NRG1: variants seen among roughly 807,000 people sequenced by gnomAD.
NRG1 encodes pro-neuregulin-1, membrane-bound isoform.
NRG1 carries 18 observed loss-of-function variants against 63.8 expected under a neutral mutation model. The observed-to-expected ratio is 0.28, with a 90% confidence interval of 0.19 to 0.42. The LOEUF (loss-of-function observed/expected upper bound fraction) is 0.42, where lower values mean the gene tolerates loss of function less well. NRG1 is among the 10% of genes least tolerant of loss of function. The pLI is 1.00. For synonymous variants in NRG1, 302 were observed against 301.3 expected (o/e 1.00, Z -0.02); for missense variants, 762 against 814.7 (o/e 0.94, Z 0.79).
chr8:32,496,236 T>A (rs1827182872), intron 1 of NRG1, among the ~76,000 whole-genome samples: 1 of 152,190 alleles, frequency 6.6e-6, no homozygotes, highest in Non-Finnish European at 1.5e-5. Flanking sequence ...AGTAAAGTTA[T>A]TTCTTTGTTA....
chr8:31,851,254 T>C (rs1235018899), intron 1 of NRG1, among the ~76,000 whole-genome samples: 1 of 152,196 alleles, frequency 6.6e-6, no homozygotes, highest in Non-Finnish European at 1.5e-5. Context: ...TTTGATGGTG[T>C]CTTGGGAGTA....
In NRG1 at chr8:32,111,143, G is replaced by GT. The variant is rs532398294; in HGVS notation, c.37+471713dup. On this transcript the variant is annotated intron_variant, in intron 1 of 10. Coordinates refer to the NRG1 transcript ENST00000519301. ...TCTTTCTTTTTATTTTTGAGACAGA[G>GT]TCTCACTCTGTCACCCAGGCTGGAG... Among the ~76,000 whole-genome samples, 10 of 152,092 alleles carry GT rather than the reference G, an allele frequency of 6.6e-5. 1 individual carries two copies. The highest frequency in any genetic ancestry group is 1.3e-4 in the Non-Finnish European group (9 of 67,990).
At position 31,861,848 on chromosome 8, in the gene NRG1, G is replaced by A. The variant is rs138230273; in HGVS notation, c.37+222417G>A. 2.6e-5 allele frequency among the ~76,000 whole-genome samples: 4 copies of A among 152,228 alleles called. No homozygotes were observed. In the East Asian group the frequency reaches 7.7e-4, roughly 29 times the overall value. On this transcript the variant is annotated intron_variant, in intron 1 of 10. Transcript: ENST00000519301. ...TATTAATATGGTAATCATTTTAGGT[G>A]ATAGATTTCACCTTCAACAGTTCTT... is the stretch of plus-strand genomic sequence containing the variant.
At chr8:32,666,081 C>A (rs903545173) in intron 5 of NRG1, among the ~76,000 whole-genome samples, 3 of 152,120 alleles carry the variant, frequency 2.0e-5, no homozygotes, top group Admixed American at 6.5e-5. Flanking sequence ...ATGAGCAATT[C>A]TTTTGCATTT....
At chr8:32,120,114 C>G (rs767366396) in intron 1 of NRG1, among the ~76,000 whole-genome samples, 1 of 152,026 alleles carries the variant, frequency 6.6e-6, no homozygotes, top group Non-Finnish European at 1.5e-5. Flanking sequence ...ATCCTATTCC[C>G]TGTTAATTAT....
In NRG1 at chr8:32,287,014, A is replaced by G. The variant is rs530931701; in HGVS notation, c.38-308814A>G. On this transcript the variant is annotated intron_variant, in intron 1 of 10. Coordinates refer to the NRG1 transcript ENST00000519301. ...TCCATCTGAAAACAAAACAAAACAA[A>G]ACAAAAAAAACCTCCATGCTTCTTG... 3 of 152,412 alleles carry G rather than the reference A, an allele frequency of 2.0e-5. No homozygotes were observed. In the South Asian group the frequency reaches 6.2e-4, roughly 32 times the overall value. 9.4% of individuals were successfully genotyped at this position (152,412 alleles called of 1,614,324 possible). A position where few individuals can be genotyped will look rare whatever the true frequency, so the allele number is the denominator to read the frequency against.
Position 32,752,365 on chromosome 8 carries a change from C to T in NRG1, c.692-2007C>T, listed in dbSNP as rs150057285. Among the ~76,000 whole-genome samples the T allele has an allele frequency of 8.1e-3, 1,231 of 152,256 alleles. 13 individuals carry two copies. Among genetic ancestry groups the T allele is most frequent in the African/African-American group, 0.028 (1,178 of 41,556 alleles). ...GGGGAGGGGAGGCAGCAGACATATG[C>T]AATTAACATATAAGCACTCACATTC... is the stretch of plus-strand genomic sequence containing the variant. On this transcript the variant is annotated intron_variant, in intron 7 of 11. Transcript: ENST00000356819.
intron 1 of NRG1, among the ~76,000 whole-genome samples, chr8:31,828,556 A>G (rs1298057928): frequency 6.6e-6 from 1 of 152,100 alleles, no homozygotes. Context: ...CCTCTGGTGT[A>G]AACACCACCC....
intron 1 of NRG1, among the ~76,000 whole-genome samples, chr8:32,366,677 G>GTGTGTGTATA (rs1164696498): frequency 5.7e-5 from 5 of 87,514 alleles, no homozygotes; most frequent in Admixed American, 2.4e-4. Flanking sequence ...GTGTGTGTGT[G>GTGTGTGTATA]TATATATATA....
chr8:32,125,941 C>T (rs1834019708), intron 1 of NRG1, among the ~76,000 whole-genome samples: 1 of 151,898 alleles, frequency 6.6e-6, no homozygotes, highest in Non-Finnish European at 1.5e-5. Context: ...ATGTGGAGTT[C>T]ACTGTTTGTT....
intron 1 of NRG1, among the ~76,000 whole-genome samples, chr8:32,100,851 T>G (rs997498864): frequency 6.6e-6 from 1 of 152,172 alleles, no homozygotes; most frequent in African/African-American, 2.4e-5. Context: ...ATCTCAGTCA[T>G]AAAAACTTCA....
intron 1 of NRG1, among the ~76,000 whole-genome samples, chr8:32,465,806 C>A (rs1425196783): frequency 6.6e-6 from 1 of 152,040 alleles, no homozygotes; most frequent in African/African-American, 2.4e-5. Flanking sequence ...ATATATAGTT[C>A]TTTGGTATTT....
chr8:31,729,989 T>A (rs1367716166), intron 1 of NRG1, among the ~76,000 whole-genome samples: 2 of 152,074 alleles, frequency 1.3e-5, no homozygotes, highest in African/African-American at 4.8e-5. Context: ...CTACGGAGTA[T>A]AGGGTAATCA....
At chr8:32,163,424 A>T (rs1839059770) in intron 1 of NRG1, among the ~76,000 whole-genome samples, 1 of 152,168 alleles carries the variant, frequency 6.6e-6, no homozygotes, top group South Asian at 2.1e-4. Flanking sequence ...AGTTATTGGG[A>T]GGCTTTCTGT....
chr8:32,186,086 A>G (rs1192558580), intron 1 of NRG1, among the ~76,000 whole-genome samples: 1 of 152,246 alleles, frequency 6.6e-6, no homozygotes, highest in Non-Finnish European at 1.5e-5. Flanking sequence ...GCTGTGACAG[A>G]AAACCTCTGG....
chr8:32,671,590 ACGCAC>A (rs1297514070), intron 5 of NRG1, among the ~76,000 whole-genome samples: 2 of 152,240 alleles, frequency 1.3e-5, no homozygotes, highest in Middle Eastern at 3.2e-3. Flanking sequence ...GCATGTATGC[ACGCAC>A]ACACATGCAA....
intron 7 of NRG1, among the ~76,000 whole-genome samples, chr8:32,746,640 A>G (rs978575613): frequency 1.3e-5 from 2 of 152,100 alleles, no homozygotes; most frequent in African/African-American, 4.8e-5. Context: ...TTAATTTTTT[A>G]TATTGCTCAG....
chr8:32,475,983 A>T (rs1475112318), intron 1 of NRG1, among the ~76,000 whole-genome samples: 2 of 152,290 alleles, frequency 1.3e-5, no homozygotes, highest in South Asian at 4.1e-4. Context: ...AAGAAATGAG[A>T]TCAAATATGC....
chr8:32,485,812 C>T (rs553233431), intron 1 of NRG1, among the ~76,000 whole-genome samples: 3 of 152,292 alleles, frequency 2.0e-5, no homozygotes, highest in Non-Finnish European at 4.4e-5. Context: ...TCTCATAATA[C>T]GTCTTATTTA....
Sources: gnomAD v4.1 joint callset for allele counts (sites outside exome capture counted in the v4.1 genomes callset) on GRCh38, gnomAD v4.1.1 for gene constraint, MANE v1.5 for transcripts, NCBI Gene and HGNC (gene_info 2026-07-23, HGNC 2026-07-21) for gene names.